NCKAP1: variants seen among roughly 807,000 people sequenced by gnomAD.
NCKAP1 encodes nck-associated protein 1.
Under a neutral mutation model 151.2 loss-of-function variants are expected in NCKAP1, and 21 were observed. The ratio of observed to expected loss-of-function variants is 0.14; its 90% CI spans 0.10 to 0.20. The LOEUF (loss-of-function observed/expected upper bound fraction) is 0.20, where lower values mean the gene tolerates loss of function less well. NCKAP1 is among the 10% of genes least tolerant of loss of function. The pLI, the probability that NCKAP1 is intolerant of heterozygous loss-of-function variation, is 1.00. For missense variants in NCKAP1, 933 were observed against 1,352.1 expected (o/e 0.69, Z 4.86); for synonymous variants, 484 against 451.8 (o/e 1.07, Z -0.90).
At chr2:182,988,365 A>C (rs1698099256) in intron 9 of NCKAP1, among the ~76,000 whole-genome samples, 1 of 152,230 alleles carries the variant, frequency 6.6e-6, no homozygotes, top group African/African-American at 2.4e-5. Flanking sequence ...TATATATTCA[A>C]CATAAGTATA....
In NCKAP1 at chr2:182,924,049, A is replaced by G. The variant is rs1195940873; in HGVS notation, c.*1653T>C. 6.6e-6 allele frequency: 1 copy of G among 152,166 alleles called. No individual in the cohort carries two copies. Among genetic ancestry groups the G allele is most frequent in the Non-Finnish European group, 1.5e-5 (1 of 68,044 alleles). The allele number at this position is 152,166 out of a possible 1,614,324, so 9.4% of individuals were successfully genotyped here. On this transcript the variant is annotated 3_prime_UTR_variant, in exon 31 of 31. Coordinates refer to ENST00000361354, the MANE Select transcript of NCKAP1 (RefSeq NM_013436.5). ...CTAAGATCCTAATATTTCAAAACAA[A>G]CGGCATTAAATCTTAGTTTTGACTG...
intron 15 of NCKAP1, among the ~76,000 whole-genome samples, chr2:182,974,259 TA>T (rs1173365320): frequency 0.035 from 2,191 of 63,298 alleles, 32 homozygotes; most frequent in Middle Eastern, 0.046. Context: ...CTGTTGTCAC[TA>T]AAAAAAAAAA....
At chr2:182,971,093 CAA>C (rs1697677403) in intron 15 of NCKAP1, among the ~76,000 whole-genome samples, 1 of 152,000 alleles carries the variant, frequency 6.6e-6, no homozygotes, top group Non-Finnish European at 1.5e-5. Flanking sequence ...GAAGAAGACA[CAA>C]AGAGATAAAA....
intron 2 of NCKAP1, among the ~76,000 whole-genome samples, chr2:183,020,161 T>TC (rs1698768204): frequency 6.6e-6 from 1 of 152,044 alleles, no homozygotes; most frequent in Admixed American, 6.6e-5. Context: ...TTTAGAAACT[T>TC]CAAAAAATAA....
intron 7 of NCKAP1, among the ~76,000 whole-genome samples, 176 bp downstream of exon 7, chr2:182,995,525 A>T (rs1409095683): frequency 6.6e-6 from 1 of 152,212 alleles, no homozygotes; most frequent in Non-Finnish European, 1.5e-5. Flanking sequence ...ACCAGTTTTC[A>T]TTAAGACTCT....
At chr2:182,971,163 G>A (rs1450749405) in intron 15 of NCKAP1, among the ~76,000 whole-genome samples, 2 of 151,912 alleles carry the variant, frequency 1.3e-5, no homozygotes, top group African/African-American at 4.8e-5. Context: ...GGGAGGCCGA[G>A]GCGGGCGGAT....
chr2:183,018,096 A>G (rs1354283543), intron 2 of NCKAP1, among the ~76,000 whole-genome samples: 2 of 151,974 alleles, frequency 1.3e-5, no homozygotes, highest in African/African-American at 4.8e-5. Flanking sequence ...AAAAATAGAA[A>G]ATTAGGCGGG....
chr2:182,940,337 A>G (rs940107129), intron 24 of NCKAP1, among the ~76,000 whole-genome samples: 1 of 152,182 alleles, frequency 6.6e-6, no homozygotes, highest in Non-Finnish European at 1.5e-5. Context: ...CTAATTTCCT[A>G]CTTATTCATA....
chr2:182,995,665 T>C, intron 7 of NCKAP1, 36 bp downstream of exon 7: 1 of 1,587,036 alleles, frequency 6.3e-7, no homozygotes, highest in Non-Finnish European at 8.6e-7. Flanking sequence ...TAAAAGTCAC[T>C]TTATTTTCAT....
intron 8 of NCKAP1, among the ~76,000 whole-genome samples, chr2:182,994,475 C>A (rs1698227964): frequency 6.6e-6 from 1 of 151,876 alleles, no homozygotes; most frequent in African/African-American, 2.4e-5. Flanking sequence ...CCCGCCTGTA[C>A]TAAAAATACA....
Position 182,982,833 on chromosome 2 carries a change from T to C in NCKAP1, c.1196A>G (p.Asp399Gly). 1 of 1,591,050 alleles carries C rather than the reference T, an allele frequency of 6.3e-7. No homozygotes were observed. Among genetic ancestry groups the C allele is most frequent in the East Asian group, 2.2e-5 (1 of 44,662 alleles). The change falls in exon 12 of 31, where the codon GAC becomes GGC. Residue 399 changes from aspartate (D) to glycine (G), a missense_variant. This residue lies in a region of NCKAP1 where 607 missense variants were observed against 795.0 expected (regional missense o/e 0.76). Transcript: ENST00000361354. ...ADNMPKKSAD[D>G]FIDKHIAELI... is the part of the protein sequence containing the mutation. ...GTTGCTAACTTACTTATCTATAAAG[T>C]CGTCTGCACTCTTCTTTGGCATGTT...
chr2:182,958,588 A>T (rs1457007296), intron 18 of NCKAP1, among the ~76,000 whole-genome samples: 6 of 152,244 alleles, frequency 3.9e-5, no homozygotes, highest in African/African-American at 1.4e-4. Context: ...AAAAAATTTT[A>T]ATGGGCAGAT....
At chr2:182,935,217 AAACTT>A in intron 25 of NCKAP1, 71 bp downstream of exon 25, 1 of 1,046,970 alleles carries the variant, frequency 9.6e-7, no homozygotes, top group South Asian at 1.5e-5. Context: ...CATGAATCTG[AAACTT>A]AACTTTAAAT....
At chr2:182,979,860 T>C (rs73980538) in intron 13 of NCKAP1, among the ~76,000 whole-genome samples, 12,590 of 152,104 alleles carry the variant, frequency 0.083, 648 homozygotes, top group Middle Eastern at 0.15. Context: ...CAACAAATAA[T>C]GATAACTATA....
At chr2:182,937,157 A>C (rs1021391314) in intron 24 of NCKAP1, among the ~76,000 whole-genome samples, 3 of 151,798 alleles carry the variant, frequency 2.0e-5, no homozygotes, top group African/African-American at 7.3e-5. Context: ...TCACACTAGA[A>C]ATAACAACAG....
chr2:182,925,969 CCTTTTACTTAAT>C, intron 30 of NCKAP1, 151 bp from the exon 31 acceptor site: 1 of 414,954 alleles, frequency 2.4e-6, no homozygotes, highest in Non-Finnish European at 4.4e-6. Context: ...ATATTATTTT[CCTTTTACTTAAT>C]CTAAAATGTA....
rs753257378 is a variant in NCKAP1, at chr2:182,952,513, A to G, written c.2504-11T>C. ...ATAATGACCTCATTTCTGAAAGAAA[A>G]CATACTTAATTTTATACTTCCGACA... On this transcript the variant is annotated splice_polypyrimidine_tract_variant and intron_variant, in intron 22 of 30. Coordinates refer to ENST00000361354, the MANE Select transcript of NCKAP1 (RefSeq NM_013436.5). 7.1e-6 allele frequency: 11 copies of G among 1,555,248 alleles called. No individual in the cohort carries two copies. The Admixed American group carries it at 2.0e-4, about 29-fold the overall frequency.
chr2:182,983,181 C>A (rs1346461768), intron 11 of NCKAP1, 105 bp downstream of exon 11: 3 of 887,770 alleles, frequency 3.4e-6, no homozygotes, highest in East Asian at 5.3e-5. Flanking sequence ...ATATAAAAAT[C>A]CTTTTATGTA....
At chr2:182,935,476 C>A in intron 24 of NCKAP1, 101 bp from the exon 25 acceptor site, 2 of 628,092 alleles carry the variant, frequency 3.2e-6, no homozygotes, top group South Asian at 2.8e-5. Flanking sequence ...TAATAAAATT[C>A]CCATGATAAA....
Sources: allele counts gnomAD v4.1 joint callset (sites outside exome capture counted in the v4.1 genomes callset), GRCh38; gene constraint gnomAD v4.1.1; regional missense constraint gnomAD v4.1.1; transcripts MANE v1.5; gene names NCBI Gene and HGNC (gene_info 2026-07-23, HGNC 2026-07-21).